Variants in MSI2 observed in about 807,000 individuals in gnomAD.
MSI2 encodes the protein musashi RNA binding protein 2.
In MSI2, 17 loss-of-function variants were observed where a neutral mutation model predicts 45.6. The ratio of observed to expected loss-of-function variants is 0.37; its 90% CI spans 0.26 to 0.56. The LOEUF is 0.56. Among genes scored for constraint, MSI2 ranks in the 20% least tolerant of loss-of-function variants. The pLI is 0.77. For missense variants in MSI2, 293 were observed against 444.2 expected, an observed-to-expected ratio of 0.66 and a Z score of 3.06; for synonymous variants, 156 against 158.2, an observed-to-expected ratio of 0.99 and a Z score of 0.11.
intron 6 of MSI2, among the ~76,000 whole-genome samples, chr17:57,498,867 A>T (rs1222069360): frequency 6.6e-6 from 1 of 151,314 alleles, no homozygotes; most frequent in Non-Finnish European, 1.5e-5. Flanking sequence ...TGCTGCACCC[A>T]TTAACTCGTC....
At chr17:57,258,636 G>C (rs2098383373) in intron 4 of MSI2, among the ~76,000 whole-genome samples, 1 of 152,220 alleles carries the variant, frequency 6.6e-6, no homozygotes, top group South Asian at 2.1e-4. Context: ...GGACTGTGCA[G>C]AGAAACTCCA....
chr17:57,575,892 C>T (rs1367266136), intron 7 of MSI2, among the ~76,000 whole-genome samples: 1 of 141,408 alleles, frequency 7.1e-6, no homozygotes, highest in Non-Finnish European at 1.5e-5. Context: ...TTGCAGTGAG[C>T]CAAGATTGTG....
intron 5 of MSI2, among the ~76,000 whole-genome samples, chr17:57,394,824 G>A (rs1416986726): frequency 6.6e-6 from 1 of 152,202 alleles, no homozygotes; most frequent in Non-Finnish European, 1.5e-5. Context: ...TGGCTCTGCT[G>A]TCACCAAAAA....
chr17:57,633,153 C>T (rs190847669), intron 10 of MSI2: 7 of 1,020,038 alleles, frequency 6.9e-6, no homozygotes, highest in East Asian at 6.6e-5. Context: ...TGTAAGCAAC[C>T]GAGGTAGAAA....
Position 57,552,022 on chromosome 17 carries a change from A to G in MSI2, c.454+22298A>G, listed in dbSNP as rs2087318485. On this transcript the variant is annotated intron_variant, in intron 7 of 13. Coordinates refer to ENST00000284073, the MANE Select transcript of MSI2 (RefSeq NM_138962.4). The surrounding 1 kb of genome is among the most constrained non-coding windows in gnomAD (Gnocchi z 4.3). ...GCCTCCTACTCCACTTGCTGCATAG[A>G]GGGGTTTTCTGGAACAGAGAATGTG... is the stretch of plus-strand genomic sequence containing the variant. 6.6e-6 allele frequency among the ~76,000 whole-genome samples: 1 copy of G among 152,034 alleles called. No individual in the cohort carries two copies. The highest frequency in any genetic ancestry group is 6.5e-5 in the Admixed American group (1 of 15,272).
intron 5 of MSI2, among the ~76,000 whole-genome samples, chr17:57,371,508 C>A (rs201036488): frequency 1.2e-3 from 169 of 140,538 alleles, no homozygotes; most frequent in East Asian, 1.6e-3. Context: ...TTTTTCATGG[C>A]AAAAAAAAAA....
intron 7 of MSI2, among the ~76,000 whole-genome samples, chr17:57,539,450 C>T (rs2086993592): frequency 6.6e-6 from 1 of 150,914 alleles, no homozygotes; most frequent in South Asian, 2.1e-4. Flanking sequence ...CCAGCACTTT[C>T]GGAGGCCAAG....
In MSI2 at chr17:57,652,354, G is replaced by A. The variant is rs1225608735; in HGVS notation, c.790+193G>A. On this transcript the variant is annotated intron_variant, in intron 11 of 13. Coordinates refer to ENST00000284073, the MANE Select transcript of MSI2 (RefSeq NM_138962.4). This position sits in a 1 kb window ranked among gnomAD's most constrained non-coding sequence, Gnocchi z 4.1. ...CTGGCCACCCAGGGCACTTGTAGTG[G>A]GGTCAGTCACAGTCATGGGACTGCA... Among the ~76,000 whole-genome samples the A allele has an allele frequency of 1.3e-5, 2 of 152,100 alleles. No individual in the cohort carries two copies. The highest frequency in any genetic ancestry group is 4.8e-5 in the African/African-American group (2 of 41,400).
At chr17:57,475,599 G>A (rs1441459134) in intron 6 of MSI2, among the ~76,000 whole-genome samples, 1 of 152,006 alleles carries the variant, frequency 6.6e-6, no homozygotes, top group African/African-American at 2.4e-5. Context: ...AAACATATGA[G>A]GAAAGGCTTC....
At chr17:57,542,410 G>A (rs1289785203) in intron 7 of MSI2, among the ~76,000 whole-genome samples, 2 of 152,200 alleles carry the variant, frequency 1.3e-5, no homozygotes, top group African/African-American at 4.8e-5. Flanking sequence ...GGTTAGGAAA[G>A]TCTGGCTGAG....
chr17:57,427,425 TAAAAG>T (rs1296238303), intron 6 of MSI2, among the ~76,000 whole-genome samples: 1 of 150,244 alleles, frequency 6.7e-6, no homozygotes, highest in East Asian at 1.9e-4. Context: ...TAAAAGAAAA[TAAAAG>T]AAAAAATGTA....
At chr17:57,302,337 T>C (rs2143545915) in intron 5 of MSI2, among the ~76,000 whole-genome samples, 1 of 152,352 alleles carries the variant, frequency 6.6e-6, no homozygotes, top group East Asian at 1.9e-4. Context: ...CTCGAATTCC[T>C]GGGCTCAGTA....
intron 10 of MSI2, among the ~76,000 whole-genome samples, chr17:57,647,661 T>C (rs900120932): frequency 2.0e-5 from 3 of 151,694 alleles, no homozygotes; most frequent in Admixed American, 2.0e-4. Flanking sequence ...TTTTTTTTCT[T>C]CGAGACAGAG....
At chr17:57,489,451 G>T (rs189192240) in intron 6 of MSI2, among the ~76,000 whole-genome samples, 1 of 152,326 alleles carries the variant, frequency 6.6e-6, no homozygotes, top group African/African-American at 2.4e-5. Flanking sequence ...TGCAGGCAAG[G>T]AAGAAGCAGC....
At chr17:57,528,882 C>T (rs1253406197) in intron 6 of MSI2, among the ~76,000 whole-genome samples, 1 of 152,100 alleles carries the variant, frequency 6.6e-6, no homozygotes, top group East Asian at 1.9e-4. Context: ...CACAGTTGAG[C>T]CCATAACAAT....
chr17:57,531,292 T>G (rs1257210405), intron 7 of MSI2, among the ~76,000 whole-genome samples: 1 of 152,178 alleles, frequency 6.6e-6, no homozygotes, highest in East Asian at 1.9e-4. Context: ...AGGATGGGGG[T>G]AATCATAGAA....
intron 7 of MSI2, among the ~76,000 whole-genome samples, chr17:57,590,311 TA>T (rs890783766): frequency 2.6e-5 from 4 of 151,694 alleles, no homozygotes; most frequent in Non-Finnish European, 2.9e-5. Context: ...CTCTCTGACC[TA>T]AAAAAAAATT....
chr17:57,675,822 C>T (rs528393010), intron 12 of MSI2, among the ~76,000 whole-genome samples: 5 of 152,328 alleles, frequency 3.3e-5, no homozygotes, highest in Middle Eastern at 6.8e-3. Context: ...ATTTGTAATG[C>T]TCTGTGGTTC....
chr17:57,462,594 A>G (rs546985810), intron 6 of MSI2, among the ~76,000 whole-genome samples: 110 of 152,372 alleles, frequency 7.2e-4, no homozygotes, highest in South Asian at 1.7e-3. Context: ...GAGTCTGCAT[A>G]CTTGGAGAAT....
Sources: allele counts gnomAD v4.1 joint callset (sites outside exome capture counted in the v4.1 genomes callset), GRCh38; gene constraint gnomAD v4.1.1; non-coding constraint Gnocchi (gnomAD v3.1); transcripts MANE v1.5; gene names NCBI Gene and HGNC (gene_info 2026-07-23, HGNC 2026-07-21).